The following NDUFS4 variants were observed in gnomAD, a reference collection of about 807,000 sequenced individuals.
NDUFS4 encodes NADH dehydrogenase [ubiquinone] iron-sulfur protein 4, mitochondrial.
NDUFS4 carries 28 observed loss-of-function variants against 24.3 expected under a neutral mutation model. The observed-to-expected ratio is 1.15, with a 90% CI of 0.85 to 1.58. The LOEUF (loss-of-function observed/expected upper bound fraction) is 1.58, where lower values mean the gene tolerates loss of function less well. NDUFS4 is among the 40% of genes most tolerant of loss of function. The pLI is 0.00. For synonymous variants in NDUFS4, 93 were observed against 69.7 expected (o/e 1.34, Z -1.67); for missense variants, 223 against 207.9 (o/e 1.07, Z -0.45).
intron 3 of NDUFS4, among the ~76,000 whole-genome samples, chr5:53,648,699 G>A (rs1751931493): frequency 6.6e-6 from 1 of 152,106 alleles, no homozygotes; most frequent in Non-Finnish European, 1.5e-5. Context: ...GGTGGCTTCT[G>A]CTGACATCTA....
intron 1 of NDUFS4, among the ~76,000 whole-genome samples, chr5:53,601,281 G>A (rs1297876076): frequency 6.6e-6 from 1 of 152,034 alleles, no homozygotes; most frequent in Non-Finnish European, 1.5e-5. Flanking sequence ...GGGATTATAG[G>A]CATGAGCCAC....
chr5:53,643,194 G>A (rs902349870), intron 2 of NDUFS4, among the ~76,000 whole-genome samples: 1 of 151,960 alleles, frequency 6.6e-6, no homozygotes, highest in Admixed American at 6.6e-5. Flanking sequence ...TCATACCTAT[G>A]TGATTTAGTT....
intron 2 of NDUFS4, among the ~76,000 whole-genome samples, chr5:53,609,339 C>T (rs553709300): frequency 6.6e-6 from 1 of 152,312 alleles, no homozygotes; most frequent in Admixed American, 6.5e-5. Context: ...CCTTGTACAT[C>T]TCCATCTTGG....
chr5:53,668,490 A>AC (rs1306085988), intron 4 of NDUFS4, among the ~76,000 whole-genome samples: 1 of 151,588 alleles, frequency 6.6e-6, no homozygotes, highest in African/African-American at 2.4e-5. Context: ...ACAGAGTCTC[A>AC]CTCTGTCACC....
At chr5:53,622,635 C>G (rs1052882569) in intron 2 of NDUFS4, among the ~76,000 whole-genome samples, 1 of 151,912 alleles carries the variant, frequency 6.6e-6, no homozygotes, top group Non-Finnish European at 1.5e-5. Context: ...TACAAACATT[C>G]AGTTCATAAC....
intron 2 of NDUFS4, among the ~76,000 whole-genome samples, chr5:53,604,264 A>G (rs1750427592): frequency 6.6e-6 from 1 of 152,132 alleles, no homozygotes; most frequent in East Asian, 1.9e-4. Flanking sequence ...GTGTTTCTTA[A>G]CTACCCCCTT....
chr5:53,578,939 C>A (rs1026548852), intron 1 of NDUFS4, among the ~76,000 whole-genome samples: 1 of 152,082 alleles, frequency 6.6e-6, no homozygotes, highest in African/African-American at 2.4e-5. Context: ...ATTTTGTGCA[C>A]CTGGCTTTTT....
chr5:53,605,189 C>G (rs1472004768), intron 2 of NDUFS4, among the ~76,000 whole-genome samples: 1 of 152,150 alleles, frequency 6.6e-6, no homozygotes, highest in Non-Finnish European at 1.5e-5. Flanking sequence ...CCATTACTCT[C>G]CAGCCTGGGC....
At chr5:53,590,304 C>T (rs943200436) in intron 1 of NDUFS4, among the ~76,000 whole-genome samples, 1 of 152,102 alleles carries the variant, frequency 6.6e-6, no homozygotes, top group Non-Finnish European at 1.5e-5. Context: ...AAGATTTGCT[C>T]TTATGTGCTT....
chr5:53,634,527 C>T (rs1043104685), intron 2 of NDUFS4, among the ~76,000 whole-genome samples: 7 of 152,158 alleles, frequency 4.6e-5, no homozygotes, highest in Non-Finnish European at 7.4e-5. Context: ...ATGAAGAGTA[C>T]TGTTTAATTA....
chr5:53,665,353 T>C (rs1752481434), intron 4 of NDUFS4, among the ~76,000 whole-genome samples: 1 of 152,222 alleles, frequency 6.6e-6, no homozygotes, highest in Non-Finnish European at 1.5e-5. Flanking sequence ...TCTTCAAAGC[T>C]GTCAGACAGG....
intron 2 of NDUFS4, among the ~76,000 whole-genome samples, chr5:53,616,611 C>G (rs1382549913): frequency 6.6e-6 from 1 of 151,964 alleles, no homozygotes; most frequent in South Asian, 2.1e-4. Flanking sequence ...AAAGATATGA[C>G]ATAATAAGAA....
chr5:53,599,327 T>G (rs1750238340), intron 1 of NDUFS4, among the ~76,000 whole-genome samples: 1 of 152,134 alleles, frequency 6.6e-6, no homozygotes. Context: ...TCTGTTTACT[T>G]TTTGAGAAAC....
intron 2 of NDUFS4, among the ~76,000 whole-genome samples, chr5:53,641,779 A>G (rs570011058): frequency 4.6e-5 from 7 of 152,210 alleles, no homozygotes; most frequent in African/African-American, 1.7e-4. Flanking sequence ...TGCTTTAAGT[A>G]TCTGTGGGTT....
At chr5:53,649,047 G>A (rs967042258) in intron 3 of NDUFS4, among the ~76,000 whole-genome samples, 2 of 152,118 alleles carry the variant, frequency 1.3e-5, no homozygotes, top group Non-Finnish European at 2.9e-5. Flanking sequence ...GTGAGGGGAT[G>A]CTCTCTGGCA....
chr5:53,621,963 G>A (rs1207432215), intron 2 of NDUFS4, among the ~76,000 whole-genome samples: 7 of 152,000 alleles, frequency 4.6e-5, no homozygotes, highest in African/African-American at 1.2e-4. Context: ...GCCTCCCAAA[G>A]TGCTGGGATT....
Position 53,624,012 on chromosome 5 carries a change from C to T in NDUFS4, c.177+20482C>T, listed in dbSNP as rs186382213. 1.6e-3 allele frequency among the ~76,000 whole-genome samples: 249 copies of T among 152,236 alleles called. 1 individual carries two copies. The highest frequency in any genetic ancestry group is 5.4e-3 in the African/African-American group (226 of 41,552). On this transcript the variant is annotated intron_variant, in intron 2 of 4. Transcript: ENST00000296684. ...GATTACAGGCATGAGCCACCACGCC[C>T]GGCCCTTTGATCCATTTTTAGTTAA...
intron 4 of NDUFS4, among the ~76,000 whole-genome samples, chr5:53,681,850 A>G (rs559634635): frequency 6.6e-6 from 1 of 152,282 alleles, no homozygotes; most frequent in Admixed American, 6.6e-5. Context: ...TGTGTACAGT[A>G]GTAGTAGTAT....
intron 4 of NDUFS4, among the ~76,000 whole-genome samples, chr5:53,674,819 C>T (rs1740403334): frequency 6.6e-6 from 1 of 151,846 alleles, no homozygotes; most frequent in Non-Finnish European, 1.5e-5. Context: ...CTTATTTGAT[C>T]AGTAAACATG....
Sources: gnomAD v4.1 joint callset for allele counts (sites outside exome capture counted in the v4.1 genomes callset) on GRCh38, gnomAD v4.1.1 for gene constraint, MANE v1.5 for transcripts, NCBI Gene and HGNC (gene_info 2026-07-23, HGNC 2026-07-21) for gene names.